Variants in NEO1 observed in about 807,000 individuals in gnomAD.
NEO1 encodes neogenin 1, also known as neogenin.
A neutral mutation model predicts 159.7 loss-of-function variants in NEO1; 63 were observed. That is an observed-to-expected ratio of 0.39 (90% confidence interval 0.32 to 0.49). NEO1 has a LOEUF of 0.49. Ranked by LOEUF, NEO1 falls within the 20% of genes least tolerant of loss-of-function variation. NEO1 has a pLI of 0.85. For missense variants in NEO1, 1,615 were observed against 1,831.0 expected, an observed-to-expected ratio of 0.88 and a Z score of 2.15; for synonymous variants, 633 against 662.0, an observed-to-expected ratio of 0.96 and a Z score of 0.67.
At chr15:73,060,841 G>C (rs1595887431) in intron 1 of NEO1, among the ~76,000 whole-genome samples, 1 of 151,226 alleles carries the variant, frequency 6.6e-6, no homozygotes, top group Non-Finnish European at 1.5e-5. Flanking sequence ...GTACAGACAG[G>C]GTTTCACCAT....
chr15:73,185,196 A>G (rs1213519892), intron 7 of NEO1, among the ~76,000 whole-genome samples: 1 of 152,192 alleles, frequency 6.6e-6, no homozygotes, highest in Non-Finnish European at 1.5e-5. Flanking sequence ...GTATGATACT[A>G]TAGGGGAGGA....
At chr15:73,064,667 A>G (rs1346126351) in intron 1 of NEO1, among the ~76,000 whole-genome samples, 3 of 151,770 alleles carry the variant, frequency 2.0e-5, no homozygotes, top group Admixed American at 6.6e-5. Context: ...AGATCTTACT[A>G]TATTGTCCAG....
chr15:73,076,974 T>G (rs1308206836), intron 1 of NEO1, among the ~76,000 whole-genome samples: 1 of 152,208 alleles, frequency 6.6e-6, no homozygotes, highest in African/African-American at 2.4e-5. Context: ...CAGAAACATA[T>G]TCTATGATTA....
chr15:73,057,445 T>A (rs1293621125), intron 1 of NEO1, among the ~76,000 whole-genome samples: 1 of 152,176 alleles, frequency 6.6e-6, no homozygotes, highest in Admixed American at 6.5e-5. Context: ...GGTAAGTGTT[T>A]AGGTTTCTGG....
At chr15:73,155,102 G>A (rs917974926) in intron 5 of NEO1, among the ~76,000 whole-genome samples, 1 of 151,486 alleles carries the variant, frequency 6.6e-6, no homozygotes, top group Non-Finnish European at 1.5e-5. Flanking sequence ...ATTTCTTATA[G>A]GGCTGGTTTG....
intron 8 of NEO1, among the ~76,000 whole-genome samples, chr15:73,237,225 A>G (rs762297737): frequency 1.3e-5 from 2 of 152,176 alleles, no homozygotes; most frequent in Non-Finnish European, 2.9e-5. Context: ...GAAGCTCTCA[A>G]AGATCTTTAC....
chr15:73,126,281 G>C (rs761236337), intron 3 of NEO1, 136 bp from the exon 4 acceptor site: 1 of 660,506 alleles, frequency 1.5e-6, no homozygotes, highest in Non-Finnish European at 2.5e-6. Flanking sequence ...TATTGCCTAC[G>C]CTGGTCTCAA....
At chr15:73,059,447 A>G (rs2067873319) in intron 1 of NEO1, among the ~76,000 whole-genome samples, 1 of 152,184 alleles carries the variant, frequency 6.6e-6, no homozygotes, top group Non-Finnish European at 1.5e-5. Flanking sequence ...AGTCAGTTCT[A>G]TAGGCAAAGC....
intron 4 of NEO1, among the ~76,000 whole-genome samples, chr15:73,129,897 A>C (rs1468684275): frequency 1.3e-5 from 2 of 152,220 alleles, no homozygotes; most frequent in Non-Finnish European, 2.9e-5. Context: ...TGGATGTTAC[A>C]TGTGAAACAA....
chr15:73,229,243 GT>G (rs1567544736), intron 7 of NEO1, among the ~76,000 whole-genome samples: 1 of 151,784 alleles, frequency 6.6e-6, no homozygotes, highest in Non-Finnish European at 1.5e-5. Flanking sequence ...CTTCTTTTAG[GT>G]TTATTCCTGA....
intron 5 of NEO1, among the ~76,000 whole-genome samples, chr15:73,157,270 G>A (rs1380517995): frequency 6.6e-6 from 1 of 152,230 alleles, no homozygotes; most frequent in Non-Finnish European, 1.5e-5. Context: ...ACTCTTGCTT[G>A]AGTCCCAGTT....
rs556426953 is a variant in NEO1, at chr15:73,059,407, G to A, written c.130+6602G>A. Among the ~76,000 whole-genome samples the A allele has an allele frequency of 2.6e-5, 4 of 152,202 alleles. No homozygotes were observed. The South Asian group carries it at 6.2e-4, about 24-fold the overall frequency. Reference sequence around the variant, plus strand: ...TAACCTTCTTTAAAATTATTTCATAGCGAGAATCCTTACATTTAACTTTTT... The same window carrying A: ...TAACCTTCTTTAAAATTATTTCATAACGAGAATCCTTACATTTAACTTTTT... On this transcript the variant is annotated intron_variant, in intron 1 of 28. Transcript: ENST00000261908.
chr15:73,211,222 A>G (rs1482911284), intron 7 of NEO1, among the ~76,000 whole-genome samples: 1 of 152,232 alleles, frequency 6.6e-6, no homozygotes, highest in East Asian at 1.9e-4. Context: ...TATGGAATAC[A>G]TGTTTGTAGA....
intron 5 of NEO1, among the ~76,000 whole-genome samples, chr15:73,174,070 A>T (rs188638722): frequency 1.3e-5 from 2 of 150,484 alleles, no homozygotes; most frequent in African/African-American, 4.9e-5. Context: ...ATTGCACTCC[A>T]GTCTGGGCAA....
At chr15:73,062,298 T>A (rs2068017219) in intron 1 of NEO1, among the ~76,000 whole-genome samples, 2 of 152,254 alleles carry the variant, frequency 1.3e-5, no homozygotes, top group South Asian at 4.1e-4. Context: ...ATTGATGGTT[T>A]ATATTGTTTC....
At chr15:73,299,141 T>C (rs1368831897) in intron 27 of NEO1, among the ~76,000 whole-genome samples, 1 of 152,206 alleles carries the variant, frequency 6.6e-6, no homozygotes, top group Non-Finnish European at 1.5e-5. Flanking sequence ...TCTTCCAAAT[T>C]GTTACCTATT....
chr15:73,224,762 C>G (rs931248874), intron 7 of NEO1, among the ~76,000 whole-genome samples: 1 of 152,112 alleles, frequency 6.6e-6, no homozygotes, highest in Non-Finnish European at 1.5e-5. Context: ...TCTGGTGCCT[C>G]CCTGATTAAC....
At chr15:73,218,419 A>G (rs1235462028) in intron 7 of NEO1, among the ~76,000 whole-genome samples, 3 of 151,880 alleles carry the variant, frequency 2.0e-5, no homozygotes, top group Admixed American at 2.0e-4. Context: ...CAGCTTTGGT[A>G]TCAGGATGAT....
In NEO1 at chr15:73,249,197, G is replaced by A. The variant is rs1245148251; in HGVS notation, c.1744G>A (p.Asp582Asn). 1 of 1,613,822 alleles carries A rather than the reference G, an allele frequency of 6.2e-7. No individual in the cohort carries two copies. Among genetic ancestry groups the A allele is most frequent in the Non-Finnish European group, 8.5e-7 (1 of 1,179,876 alleles). The change falls in exon 10 of 29, where the codon GAT becomes AAT. Residue 582 changes from aspartate to asparagine, a missense_variant. Transcript: ENST00000261908. ...ATTGTACTACATGGAAAAGGGGACT[G>A]ATAAAGAACAGGTATGAAGTGAAGC... is the stretch of plus-strand genomic sequence containing the variant. ...YKLYYMEKGTDKEQDVDVSSH... is the reference protein window; with the variant it reads ...YKLYYMEKGTNKEQDVDVSSH...
Sources: allele counts gnomAD v4.1 joint callset (sites outside exome capture counted in the v4.1 genomes callset), GRCh38; gene constraint gnomAD v4.1.1; transcripts MANE v1.5; gene names NCBI Gene and HGNC (gene_info 2026-07-23, HGNC 2026-07-21).